Variants in AASS observed in about 807,000 individuals in gnomAD.
AASS encodes the protein alpha-aminoadipic semialdehyde synthase, mitochondrial.
In AASS, 86 loss-of-function variants were observed where a neutral mutation model predicts 105.4. The ratio of observed to expected loss-of-function variants is 0.82; its 90% CI spans 0.69 to 0.98. AASS has a LOEUF of 0.98. Among genes scored for constraint, AASS ranks in the 50% least tolerant of loss-of-function variants. The pLI is 0.00. For synonymous variants in AASS, 381 were observed against 394.8 expected, an observed-to-expected ratio of 0.96 and a Z score of 0.41; for missense variants, 1,048 against 1,143.2, an observed-to-expected ratio of 0.92 and a Z score of 1.20.
In AASS at chr7:122,078,842, G is replaced by C; in HGVS notation, c.2485+20C>G. 5.6e-6 allele frequency: 9 copies of C among 1,601,342 alleles called. No homozygotes were observed. Among genetic ancestry groups the C allele is most frequent in the Non-Finnish European group, 7.7e-6 (9 of 1,168,504 alleles). On this transcript the variant is annotated intron_variant, in intron 22 of 23. Transcript: ENST00000417368. ...TATGATTCTTCTTTAGGTATATTTAGCTAATACTTCATGGCCTACCATAGG... is the reference window on the plus strand; with the variant it reads ...TATGATTCTTCTTTAGGTATATTTACCTAATACTTCATGGCCTACCATAGG...
At chr7:122,124,468 A>G (rs1292219501) in intron 4 of AASS, among the ~76,000 whole-genome samples, 1 of 152,158 alleles carries the variant, frequency 6.6e-6, no homozygotes, top group African/African-American at 2.4e-5. Flanking sequence ...TTTTTAGTAG[A>G]GAAGGGGTTT....
At chr7:122,120,714 T>C (rs1162055894) in intron 4 of AASS, among the ~76,000 whole-genome samples, 1 of 152,052 alleles carries the variant, frequency 6.6e-6, no homozygotes, top group Non-Finnish European at 1.5e-5. Context: ...TTCTAATTGC[T>C]ACTTTATACC....
chr7:122,139,726 G>A (rs1796301218), intron 1 of AASS, among the ~76,000 whole-genome samples: 1 of 152,096 alleles, frequency 6.6e-6, no homozygotes, highest in Admixed American at 6.5e-5. Context: ...GGGAGGCCAG[G>A]GTGGGCAGAT....
chr7:122,135,325 G>A (rs1317767317), intron 1 of AASS, among the ~76,000 whole-genome samples: 3 of 151,458 alleles, frequency 2.0e-5, no homozygotes, highest in Non-Finnish European at 4.4e-5. Flanking sequence ...TTAACCAGAG[G>A]TGTTAGAAGA....
chr7:122,127,378 T>C (rs192137673), intron 3 of AASS, among the ~76,000 whole-genome samples: 64 of 152,302 alleles, frequency 4.2e-4, no homozygotes, highest in African/African-American at 1.4e-3. Context: ...ATTATGTTCA[T>C]GAATTTAAGA....
chr7:122,082,838 G>T (rs181189834), intron 19 of AASS: 543 of 1,289,556 alleles, frequency 4.2e-4, no homozygotes, highest in Non-Finnish European at 5.0e-4. Context: ...GGATACCATA[G>T]GAAGGTATTC....
chr7:122,083,345 A>G (rs1321678359), intron 19 of AASS, among the ~76,000 whole-genome samples: 1 of 152,158 alleles, frequency 6.6e-6, no homozygotes, highest in Non-Finnish European at 1.5e-5. Flanking sequence ...TTTATCCAAC[A>G]TCTAAAATAC....
At position 122,076,505 on chromosome 7, in the gene AASS, C is replaced by T. The variant is rs544183668; in HGVS notation, c.2765G>A (p.Ser922Asn). Residue 922 changes from serine (S) to asparagine (N), a missense_variant, in exon 24 of 24, where the codon AGT (serine) becomes AAT (asparagine). Ser to Asn is a conservative substitution (Grantham distance 46, BLOSUM62 1). Transcript: ENST00000417368. ...AATTCCCAATTATGGTTTAATTGTA[C>T]TCTGTGTAGTATATATAATGCCTTC... ...KAEGIIYTTQSTIKP is the reference protein window; with the variant it reads ...KAEGIIYTTQNTIKP 6.2e-7 allele frequency: 1 copy of T among 1,610,836 alleles called. No homozygotes were observed. The highest frequency in any genetic ancestry group is 1.1e-5 in the South Asian group (1 of 91,012).
At chr7:122,097,980 A>G (rs1280221765) in intron 15 of AASS, among the ~76,000 whole-genome samples, 2 of 152,070 alleles carry the variant, frequency 1.3e-5, no homozygotes, top group African/African-American at 4.8e-5. Flanking sequence ...TGGTATATTC[A>G]CATAATGAAA....
chr7:122,133,430 GCAAACATTTT>G, intron 2 of AASS, 77 bp downstream of exon 2: 1 of 1,402,440 alleles, frequency 7.1e-7, no homozygotes, highest in Non-Finnish European at 1.0e-6. Context: ...AGTGACACTA[GCAAACATTTT>G]ATTTTCACTC....
intron 15 of AASS, among the ~76,000 whole-genome samples, chr7:122,095,964 A>C (rs1794135898): frequency 6.6e-6 from 1 of 152,142 alleles, no homozygotes; most frequent in Non-Finnish European, 1.5e-5. Flanking sequence ...TAATAGGCTG[A>C]GAAGTAGAAT....
Position 122,073,568 on chromosome 7 carries a change from T to C in AASS, c.*2921A>G, listed in dbSNP as rs1234791624. ...ATTGCATTTGTAATTTAATTTTTTA[T>C]AACAACTTGAGATAAAATCTACATA... On this transcript the variant is annotated 3_prime_UTR_variant, in exon 24 of 24. Coordinates refer to ENST00000417368, the MANE Select transcript of AASS (RefSeq NM_005763.4). Among the ~76,000 whole-genome samples the C allele has an allele frequency of 6.6e-6, 1 of 152,214 alleles. No individual in the cohort carries two copies.
chr7:122,130,102 C>T (rs1795843316), intron 2 of AASS, among the ~76,000 whole-genome samples: 2 of 151,862 alleles, frequency 1.3e-5, no homozygotes, highest in South Asian at 4.1e-4. Flanking sequence ...ATGAAAAATA[C>T]AAAACATGAT....
Position 122,098,473 on chromosome 7 carries a change from C to T in AASS, c.1632G>A (p.Val544=), listed in dbSNP as rs945004584. ...CKQEEKLGFL[V]AKQDLVISLL... is the part of the protein sequence containing the mutation. ...ACCTGATGACAAGATCCTGTTTTGCCACCAAGAAGCCCAGCTTCTCTTCTT... is the reference window on the plus strand; with the variant it reads ...ACCTGATGACAAGATCCTGTTTTGCTACCAAGAAGCCCAGCTTCTCTTCTT... The change falls in exon 15 of 24, where the codon GTG becomes GTA. Residue 544 remains valine (V), a synonymous_variant. Coordinates refer to ENST00000417368, the MANE Select transcript of AASS (RefSeq NM_005763.4). 1 of 1,612,080 alleles carries T rather than the reference C, an allele frequency of 6.2e-7. No individual in the cohort carries two copies. Among genetic ancestry groups the T allele is most frequent in the Non-Finnish European group, 8.5e-7 (1 of 1,178,730 alleles).
chr7:122,104,118 T>C (rs73224322), intron 11 of AASS, among the ~76,000 whole-genome samples: 1 of 152,192 alleles, frequency 6.6e-6, no homozygotes, highest in Non-Finnish European at 1.5e-5. Context: ...TATCAATAAT[T>C]ACTCTGAATG....
At chr7:122,133,936 T>A in intron 1 of AASS, 195 bp from the exon 2 acceptor site, 1 of 603,638 alleles carries the variant, frequency 1.7e-6, no homozygotes, top group Non-Finnish European at 2.9e-6. Context: ...ATTATTTAAC[T>A]GCAAAATTTT....
chr7:122,139,647 C>G (rs983689362), intron 1 of AASS, among the ~76,000 whole-genome samples: 1 of 152,014 alleles, frequency 6.6e-6, no homozygotes, highest in African/African-American at 2.4e-5. Flanking sequence ...ACTTTTCAGG[C>G]AATATTTATG....
intron 1 of AASS, among the ~76,000 whole-genome samples, 166 bp downstream of exon 1, chr7:122,143,995 T>C (rs1796520484): frequency 6.6e-6 from 1 of 152,076 alleles, no homozygotes; most frequent in South Asian, 2.1e-4. Flanking sequence ...CTTCTCCCTC[T>C]CTCGGCCCGG....
intron 2 of AASS, among the ~76,000 whole-genome samples, chr7:122,130,619 A>G (rs757119367): frequency 5.9e-5 from 9 of 152,028 alleles, no homozygotes; most frequent in Non-Finnish European, 7.4e-5. Context: ...TGGAAGCAAC[A>G]GACAGACATA....
Sources: allele counts gnomAD v4.1 joint callset (sites outside exome capture counted in the v4.1 genomes callset), GRCh38; gene constraint gnomAD v4.1.1; transcripts MANE v1.5; gene names NCBI Gene and HGNC (gene_info 2026-07-23, HGNC 2026-07-21).